The following ATP8A2 variants were observed in gnomAD, a reference collection of about 807,000 sequenced individuals.
The protein encoded by ATP8A2 is ATPase phospholipid transporting 8A2.
Under a neutral mutation model 165.6 loss-of-function variants are expected in ATP8A2, and 100 were observed. The ratio of observed to expected loss-of-function variants is 0.60; its 90% CI spans 0.51 to 0.71. ATP8A2 has a LOEUF of 0.71. ATP8A2 is among the 30% of genes least tolerant of loss of function. ATP8A2 has a pLI of 0.00. For missense variants in ATP8A2, 1,227 were observed against 1,479.5 expected (o/e 0.83, Z 2.80); for synonymous variants, 543 against 548.8 (o/e 0.99, Z 0.15).
intron 10 of ATP8A2, among the ~76,000 whole-genome samples, chr13:25,545,392 T>A (rs2038615919): frequency 6.6e-6 from 1 of 152,026 alleles, no homozygotes; most frequent in Non-Finnish European, 1.5e-5. Context: ...GAAGACTTTA[T>A]CTTGATGAAT....
At chr13:25,518,253 G>A (rs1361888191) in intron 2 of ATP8A2, among the ~76,000 whole-genome samples, 2 of 152,200 alleles carry the variant, frequency 1.3e-5, no homozygotes, top group Non-Finnish European at 2.9e-5. Flanking sequence ...GACCATTTGG[G>A]AGGAGGAAGG....
At chr13:25,822,154 T>C (rs191509953) in intron 27 of ATP8A2, among the ~76,000 whole-genome samples, 1 of 152,312 alleles carries the variant, frequency 6.6e-6, no homozygotes, top group East Asian at 1.9e-4. Flanking sequence ...ATTAAATCTT[T>C]TTAAACTTAC....
intron 2 of ATP8A2, among the ~76,000 whole-genome samples, chr13:25,501,855 C>A (rs1343343703): frequency 6.6e-6 from 1 of 152,108 alleles, no homozygotes; most frequent in Non-Finnish European, 1.5e-5. Flanking sequence ...CCAGATTTTC[C>A]AGAAAGGAGT....
intron 24 of ATP8A2, among the ~76,000 whole-genome samples, chr13:25,653,381 A>G (rs1175085814): frequency 1.3e-5 from 2 of 152,204 alleles, no homozygotes; most frequent in East Asian, 3.9e-4. Context: ...GTTCTCATTT[A>G]TAAGGAGGAG....
At chr13:25,515,957 A>C (rs1459137897) in intron 2 of ATP8A2, among the ~76,000 whole-genome samples, 1 of 152,230 alleles carries the variant, frequency 6.6e-6, no homozygotes, top group Non-Finnish European at 1.5e-5. Context: ...AAGAAATGTC[A>C]GTTAGAATTA....
intron 2 of ATP8A2, among the ~76,000 whole-genome samples, chr13:25,499,129 TG>T (rs1175825803): frequency 1.3e-5 from 2 of 152,244 alleles, no homozygotes; most frequent in Admixed American, 6.5e-5. Flanking sequence ...CCCTATATTC[TG>T]GCCTAATTAC....
At chr13:25,399,345 C>T (rs924162559) in intron 1 of ATP8A2, among the ~76,000 whole-genome samples, 29 of 149,276 alleles carry the variant, frequency 1.9e-4, no homozygotes, top group African/African-American at 5.4e-4. Flanking sequence ...GTCTGTGGCA[C>T]ACTCTGAGAA....
intron 30 of ATP8A2, among the ~76,000 whole-genome samples, chr13:25,853,502 A>G (rs956651663): frequency 4.0e-5 from 6 of 151,300 alleles, no homozygotes; most frequent in Non-Finnish European, 5.9e-5. Context: ...TGTCCTCCCT[A>G]TTAAACAAAT....
chr13:25,630,309 G>A (rs1016587705), intron 24 of ATP8A2, among the ~76,000 whole-genome samples: 11 of 152,104 alleles, frequency 7.2e-5, no homozygotes, highest in Non-Finnish European at 1.0e-4. Context: ...AGACCCATTC[G>A]TGAAAAGCCC....
At chr13:25,832,954 A>G (rs1951515613) in intron 28 of ATP8A2, among the ~76,000 whole-genome samples, 1 of 151,572 alleles carries the variant, frequency 6.6e-6, no homozygotes, top group Non-Finnish European at 1.5e-5. Context: ...GTATCTAGAA[A>G]ACAAAAGAAA....
At chr13:25,396,889 A>T (rs551984766) in intron 1 of ATP8A2, among the ~76,000 whole-genome samples, 78 of 152,356 alleles carry the variant, frequency 5.1e-4, no homozygotes, top group Middle Eastern at 6.8e-3. Flanking sequence ...TCACACAGCA[A>T]GCTTTCAGCA....
At chr13:25,553,156 A>G (rs570834928) in intron 11 of ATP8A2, among the ~76,000 whole-genome samples, 153 of 151,798 alleles carry the variant, frequency 1.0e-3, no homozygotes, top group South Asian at 2.1e-4. Flanking sequence ...CAAGGAAAGA[A>G]CTTTCCCTTT....
At chr13:25,839,865 A>G (rs753317895) in intron 30 of ATP8A2, among the ~76,000 whole-genome samples, 1 of 152,182 alleles carries the variant, frequency 6.6e-6, no homozygotes, top group Non-Finnish European at 1.5e-5. Context: ...AGTACTAGGA[A>G]TACTCAACTC....
In ATP8A2 at chr13:25,953,645, G is replaced by C. The variant is rs776624465; in HGVS notation, c.3184-7930G>C. Reference sequence around the variant, plus strand: ...GCGAGTGATTTCTGCATTTCCAGCTGAGGAACCTGGTTCATCTCACTGGGA... The same window carrying C: ...GCGAGTGATTTCTGCATTTCCAGCTCAGGAACCTGGTTCATCTCACTGGGA... On this transcript the variant is annotated intron_variant, in intron 33 of 36. Transcript: ENST00000381655. This position sits in a 1 kb window ranked among gnomAD's most constrained non-coding sequence, Gnocchi z 6.7. Among the ~76,000 whole-genome samples, 1 of 151,760 alleles carries C rather than the reference G, an allele frequency of 6.6e-6. No homozygotes were observed. Among genetic ancestry groups the C allele is most frequent in the Non-Finnish European group, 1.5e-5 (1 of 67,930 alleles).
chr13:25,530,161 A>C, intron 3 of ATP8A2, 63 bp downstream of exon 3: 1 of 1,045,274 alleles, frequency 9.6e-7, no homozygotes, highest in South Asian at 1.3e-5. Context: ...GATTTTGCTA[A>C]AGGTTCCTTA....
intron 24 of ATP8A2, among the ~76,000 whole-genome samples, chr13:25,644,334 C>CT (rs1434161314): frequency 6.6e-6 from 1 of 151,980 alleles, no homozygotes; most frequent in Non-Finnish European, 1.5e-5. Flanking sequence ...TAGTTTTTGT[C>CT]TTTCATTCTG....
At chr13:25,794,866 C>G (rs980648414) in intron 27 of ATP8A2, among the ~76,000 whole-genome samples, 7 of 151,164 alleles carry the variant, frequency 4.6e-5, no homozygotes, top group African/African-American at 1.7e-4. Context: ...CACACCTTCT[C>G]TCTCTCTCTG....
intron 24 of ATP8A2, among the ~76,000 whole-genome samples, chr13:25,631,400 A>G (rs911234031): frequency 6.6e-6 from 1 of 152,204 alleles, no homozygotes; most frequent in Non-Finnish European, 1.5e-5. Context: ...GACCAAATAC[A>G]GTTCTTCCTG....
At chr13:25,818,311 C>A (rs186430991) in intron 27 of ATP8A2, among the ~76,000 whole-genome samples, 62 of 152,190 alleles carry the variant, frequency 4.1e-4, no homozygotes, top group African/African-American at 1.3e-3. Flanking sequence ...TGCTTATGTG[C>A]TTATAGTTGT....
Sources: gnomAD v4.1 joint callset for allele counts (sites outside exome capture counted in the v4.1 genomes callset) on GRCh38, gnomAD v4.1.1 for gene constraint, Gnocchi (gnomAD v3.1) non-coding constraint, MANE v1.5 for transcripts, NCBI Gene and HGNC (gene_info 2026-07-23, HGNC 2026-07-21) for gene names.